The following MSI2 variants were observed in gnomAD, a reference collection of about 807,000 sequenced individuals.
The protein encoded by MSI2 is musashi RNA binding protein 2, also known as RNA-binding protein Musashi homolog 2.
A neutral mutation model predicts 45.6 loss-of-function variants in MSI2; 17 were observed. The ratio of observed to expected loss-of-function variants is 0.37; its 90% CI spans 0.26 to 0.56. The LOEUF (loss-of-function observed/expected upper bound fraction) is 0.56, where lower values mean the gene tolerates loss of function less well. MSI2 is among the 20% of genes least tolerant of loss of function. The pLI, the probability that MSI2 is intolerant of heterozygous loss-of-function variation, is 0.77. For synonymous variants in MSI2, 156 were observed against 158.2 expected (o/e 0.99, Z 0.11); for missense variants, 293 against 444.2 (o/e 0.66, Z 3.06).
chr17:57,513,976 AC>A (rs1008867199), intron 6 of MSI2, among the ~76,000 whole-genome samples: 8 of 152,196 alleles, frequency 5.3e-5, no homozygotes, highest in Admixed American at 4.6e-4. Context: ...GTAGAGGAGG[AC>A]CCTGAGAGGA....
At chr17:57,362,651 A>T (rs1916894658) in intron 5 of MSI2, among the ~76,000 whole-genome samples, 1 of 152,020 alleles carries the variant, frequency 6.6e-6, no homozygotes, top group African/African-American at 2.4e-5. Context: ...CTAGGGGGGA[A>T]AAAAGTGCCA....
intron 5 of MSI2, among the ~76,000 whole-genome samples, chr17:57,299,207 A>G (rs943779684): frequency 6.6e-6 from 1 of 152,236 alleles, no homozygotes; most frequent in African/African-American, 2.4e-5. Context: ...TCTTCTATCC[A>G]GATAATTAAA....
At chr17:57,674,853 G>C (rs1342128653) in intron 11 of MSI2, 119 bp from the exon 12 acceptor site, 3 of 1,439,470 alleles carry the variant, frequency 2.1e-6, no homozygotes, top group Non-Finnish European at 2.8e-6. Context: ...CAAGTGTTTG[G>C]CTTGTAATGA....
chr17:57,410,008 C>A lies in MSI2; in HGVS notation c.405+8537C>A, dbSNP rs865826142. On this transcript the variant is annotated intron_variant, in intron 6 of 13. Transcript: ENST00000284073. ...GGGTGACAGTGTGAGACTCTGTCTC[C>A]AAAAAAAAAAAAAAAAATGGGGAGT... Among the ~76,000 whole-genome samples, 76 of 61,626 alleles carry A rather than the reference C, an allele frequency of 1.2e-3. 3 individuals are homozygous for A. The highest frequency in any genetic ancestry group is 2.1e-3 in the African/African-American group (35 of 16,686). The allele number at this position is 61,626 out of a possible 152,430, so 40.4% of individuals were successfully genotyped here.
intron 6 of MSI2, among the ~76,000 whole-genome samples, chr17:57,510,975 A>G (rs1056804900): frequency 2.0e-5 from 3 of 152,216 alleles, no homozygotes; most frequent in African/African-American, 7.2e-5. Context: ...CCTGCCATGC[A>G]TCCACCAAGC....
chr17:57,514,211 A>G (rs936723688), intron 6 of MSI2, among the ~76,000 whole-genome samples: 1 of 151,482 alleles, frequency 6.6e-6, no homozygotes, highest in Non-Finnish European at 1.5e-5. Context: ...CAGCTAAGGG[A>G]TTTTTTTTTC....
intron 5 of MSI2, among the ~76,000 whole-genome samples, chr17:57,337,856 C>T (rs1483850859): frequency 1.3e-5 from 2 of 152,010 alleles, no homozygotes; most frequent in African/African-American, 2.4e-5. Context: ...TGTGTGCATA[C>T]GTATTTAAAA....
At chr17:57,285,069 T>G (rs1909754703) in intron 5 of MSI2, among the ~76,000 whole-genome samples, 1 of 152,132 alleles carries the variant, frequency 6.6e-6, no homozygotes, top group Admixed American at 6.5e-5. Flanking sequence ...CGTCGGTTTC[T>G]TAGAAGTTTC....
chr17:57,291,451 AGTT>A (rs904253989), intron 5 of MSI2, among the ~76,000 whole-genome samples: 7 of 152,336 alleles, frequency 4.6e-5, no homozygotes, highest in Admixed American at 4.6e-4. Flanking sequence ...GGTAAATTAA[AGTT>A]GATTTATTGC....
At chr17:57,528,238 G>A (rs2086746599) in intron 6 of MSI2, among the ~76,000 whole-genome samples, 1 of 152,204 alleles carries the variant, frequency 6.6e-6, no homozygotes, top group Admixed American at 6.5e-5. Context: ...ACAAACACCT[G>A]TGCTAAAGAT....
At chr17:57,672,079 C>G (rs530587519) in intron 11 of MSI2, among the ~76,000 whole-genome samples, 4 of 152,338 alleles carry the variant, frequency 2.6e-5, no homozygotes, top group South Asian at 4.1e-4. Context: ...TGGCTGCGCC[C>G]TCTAGTGGGG....
intron 5 of MSI2, among the ~76,000 whole-genome samples, chr17:57,353,642 C>T (rs1248290843): frequency 6.6e-6 from 1 of 152,162 alleles, no homozygotes; most frequent in African/African-American, 2.4e-5. Context: ...TATCTATTTC[C>T]TCTGGAGGGT....
intron 5 of MSI2, among the ~76,000 whole-genome samples, chr17:57,366,911 T>C (rs1917238147): frequency 6.6e-6 from 1 of 152,176 alleles, no homozygotes; most frequent in African/African-American, 2.4e-5. Context: ...CAACACAGTA[T>C]TCTTGAGTTC....
chr17:57,542,211 G>A (rs1353494582), intron 7 of MSI2, among the ~76,000 whole-genome samples: 2 of 152,100 alleles, frequency 1.3e-5, no homozygotes, highest in Non-Finnish European at 2.9e-5. Context: ...GGAGTCCGTC[G>A]GAAATGTCTT....
At chr17:57,445,067 A>G (rs186797128) in intron 6 of MSI2, among the ~76,000 whole-genome samples, 400 of 152,274 alleles carry the variant, frequency 2.6e-3, no homozygotes, top group African/African-American at 9.2e-3. Flanking sequence ...TAGAAATTCC[A>G]TGATGGATGT....
intron 6 of MSI2, among the ~76,000 whole-genome samples, chr17:57,463,533 G>A (rs1462547405): frequency 2.6e-5 from 4 of 152,016 alleles, no homozygotes; most frequent in African/African-American, 7.3e-5. Flanking sequence ...AGCTGGCTGG[G>A]TCTCCTCCCC....
At chr17:57,264,358 G>A (rs959355974) in intron 5 of MSI2, 6 of 152,006 alleles carry the variant, frequency 3.9e-5, no homozygotes, top group African/African-American at 1.4e-4. Flanking sequence ...TGCCATAGAA[G>A]CGTTAACCTG....
intron 7 of MSI2, among the ~76,000 whole-genome samples, chr17:57,578,639 A>G (rs745741871): frequency 6.6e-6 from 1 of 152,146 alleles, no homozygotes; most frequent in African/African-American, 2.4e-5. Flanking sequence ...AAACAGGAGT[A>G]AAAACAAGAG....
intron 2 of MSI2, 84 bp downstream of exon 2, chr17:57,257,222 C>A (rs1384010598): frequency 1.2e-5 from 6 of 484,588 alleles, no homozygotes; most frequent in East Asian, 1.2e-4. Context: ...AGGAGCCCCC[C>A]CCCCCCCGCC....
Sources: allele counts gnomAD v4.1 joint callset (sites outside exome capture counted in the v4.1 genomes callset), GRCh38; gene constraint gnomAD v4.1.1; transcripts MANE v1.5; gene names NCBI Gene and HGNC (gene_info 2026-07-23, HGNC 2026-07-21).